NCKAP1L: variants seen among roughly 807,000 people sequenced by gnomAD.
NCKAP1L encodes nck-associated protein 1-like.
In NCKAP1L, 53 loss-of-function variants were observed where a neutral mutation model predicts 139.2. The ratio of observed to expected loss-of-function variants is 0.38; its 90% CI spans 0.31 to 0.48. NCKAP1L has a LOEUF of 0.48. NCKAP1L is among the 20% of genes least tolerant of loss of function. The pLI is 0.98. For synonymous variants in NCKAP1L, 468 were observed against 499.7 expected (o/e 0.94, Z 0.85); for missense variants, 1,151 against 1,381.9 (o/e 0.83, Z 2.65).
chr12:54,524,042 G>T, intron 20 of NCKAP1L, 86 bp downstream of exon 20: 10 of 1,429,646 alleles, frequency 7.0e-6, no homozygotes, highest in Non-Finnish European at 7.6e-6. Flanking sequence ...GGTCCTCAAA[G>T]TTGGGTCCCA....
intron 7 of NCKAP1L, 67 bp downstream of exon 7, chr12:54,510,052 G>A: frequency 6.3e-7 from 1 of 1,577,916 alleles, no homozygotes; most frequent in Non-Finnish European, 8.6e-7. Flanking sequence ...TCTGTAGAGG[G>A]TGCTTCTTTC....
At position 54,532,211 on chromosome 12, in the gene NCKAP1L, G is replaced by A. The variant is rs1359192953; in HGVS notation, c.2823G>A (p.Glu941=). ...GCCCATTTCTTATGGGTCCCATTGA[G>A]TGCTTGAAGGAGTTTGTCACTCCAG... is the stretch of plus-strand genomic sequence containing the variant. ...SHCPFLMGPI[E]CLKEFVTPDT... Residue 941 remains glutamate (E), a synonymous_variant, in exon 26 of 31, where the codon GAG becomes GAA. Transcript: ENST00000293373. The A allele has an allele frequency of 3.1e-6, 5 of 1,613,112 alleles. No individual in the cohort carries two copies. The highest frequency in any genetic ancestry group is 4.2e-6 in the Non-Finnish European group (5 of 1,179,662).
chr12:54,529,962 C>A (rs1957054780), intron 22 of NCKAP1L, among the ~76,000 whole-genome samples: 1 of 152,230 alleles, frequency 6.6e-6, no homozygotes, highest in Non-Finnish European at 1.5e-5. Flanking sequence ...CTCTGTCAGC[C>A]ATTGCGGCAT....
intron 9 of NCKAP1L, among the ~76,000 whole-genome samples, chr12:54,514,385 C>A (rs1956913979): frequency 6.6e-6 from 1 of 151,568 alleles, no homozygotes; most frequent in Non-Finnish European, 1.5e-5. Flanking sequence ...GCAATGGTGC[C>A]ATCTTGGTTC....
Position 54,546,522 on chromosome 12 carries a change from TC to T in NCKAP1L, c.*3839del, listed in dbSNP as rs1957199161. On this transcript the variant is annotated 3_prime_UTR_variant, in exon 31 of 31. Coordinates refer to ENST00000293373, the MANE Select transcript of NCKAP1L (RefSeq NM_005337.5). Reference sequence around the variant, plus strand: ...GTGTCCCCCAGCTAGGGACAAGGCTTCCTTAACCTTAGGTCCTCATGCTTAT... The same window carrying T: ...GTGTCCCCCAGCTAGGGACAAGGCTTCTTAACCTTAGGTCCTCATGCTTAT... The T allele has an allele frequency of 6.6e-6, 1 of 152,170 alleles. No homozygotes were observed. The highest frequency in any genetic ancestry group is 2.4e-5 in the African/African-American group (1 of 41,430). 9.4% of individuals were successfully genotyped at this position (152,170 alleles called of 1,614,324 possible).
intron 22 of NCKAP1L, among the ~76,000 whole-genome samples, chr12:54,529,521 T>C (rs1266904640): frequency 6.6e-6 from 1 of 152,160 alleles, no homozygotes; most frequent in Admixed American, 6.5e-5. Flanking sequence ...GTCTTCTTCT[T>C]TGGGGGGTGC....
At chr12:54,524,004 T>C in intron 20 of NCKAP1L, 48 bp downstream of exon 20, 1 of 1,578,748 alleles carries the variant, frequency 6.3e-7, no homozygotes, top group Non-Finnish European at 8.6e-7. Context: ...CTTCATACCC[T>C]ACCATATACC....
intron 3 of NCKAP1L, among the ~76,000 whole-genome samples, chr12:54,505,672 T>TA (rs1379233999): frequency 6.6e-6 from 1 of 151,526 alleles, no homozygotes. Flanking sequence ...CCTCCCTTTT[T>TA]TTTTTTTGAG....
At position 54,523,932 on chromosome 12, in the gene NCKAP1L, G is replaced by A; in HGVS notation, c.2132G>A (p.Ser711Asn). The A allele has an allele frequency of 6.2e-7, 1 of 1,614,044 alleles. No individual in the cohort carries two copies. Among genetic ancestry groups the A allele is most frequent in the East Asian group, 2.2e-5 (1 of 44,886 alleles). The change falls in exon 20 of 31, where the codon AGC (serine) becomes AAC (asparagine). Residue 711 changes from serine (S) to asparagine (N), a missense_variant. Physicochemically the swap from Ser to Asn is conservative, Grantham distance 46. Transcript: ENST00000293373. The stretch of plus-strand genomic sequence containing the variant: ...ATCTTCCCTTCTGAGTACCTCAGCA[G>A]CCACCTGGAGGCCAGACTCAACAGG... The part of the protein sequence containing the change: ...HTIFPSEYLS[S>N]HLEARLNRAI...
intron 11 of NCKAP1L, 147 bp from the exon 12 acceptor site, chr12:54,517,386 G>T: frequency 1.6e-6 from 1 of 635,586 alleles, no homozygotes; most frequent in Non-Finnish European, 2.8e-6. Flanking sequence ...CTGTAGTTGA[G>T]GTTTTTTGGT....
chr12:54,527,245 A>G (rs1002477101), intron 21 of NCKAP1L, among the ~76,000 whole-genome samples: 2 of 152,164 alleles, frequency 1.3e-5, no homozygotes, highest in African/African-American at 4.8e-5. Flanking sequence ...TTCCTTTGAC[A>G]TGTTAAGGAA....
intron 18 of NCKAP1L, 134 bp from the exon 19 acceptor site, chr12:54,523,260 G>A (rs995622228): frequency 3.0e-6 from 3 of 998,018 alleles, no homozygotes; most frequent in Non-Finnish European, 1.5e-6. Flanking sequence ...AGAAAGAGGT[G>A]TGTGGAAGGA....
At chr12:54,522,652 G>C (rs866231377) in intron 18 of NCKAP1L, among the ~76,000 whole-genome samples, 1 of 152,188 alleles carries the variant, frequency 6.6e-6, no homozygotes, top group Non-Finnish European at 1.5e-5. Flanking sequence ...AAAAAAGAAG[G>C]CACGACTAAA....
rs1956943515 is a variant in NCKAP1L at position 54,517,553 on chromosome 12, C to T, written c.1116C>T (p.Ala372=). ...LGPKALFAFM[A]LSFIRDEVTW... is the part of the protein sequence containing the mutation. ...CATAGGCTCTTTTTGCTTTCATGGCCCTGTCCTTCATTCGTGATGAGGTCA... is the reference window on the plus strand; with the variant it reads ...CATAGGCTCTTTTTGCTTTCATGGCTCTGTCCTTCATTCGTGATGAGGTCA... Residue 372 remains alanine, a synonymous_variant, in exon 12 of 31, where the codon GCC becomes GCT. Coordinates refer to ENST00000293373, the MANE Select transcript of NCKAP1L (RefSeq NM_005337.5). 1.9e-6 allele frequency: 3 copies of T among 1,613,830 alleles called. No homozygotes were observed. Among genetic ancestry groups the T allele is most frequent in the Non-Finnish European group, 2.5e-6 (3 of 1,179,908 alleles).
At chr12:54,529,583 C>T (rs1277645923) in intron 22 of NCKAP1L, among the ~76,000 whole-genome samples, 1 of 152,206 alleles carries the variant, frequency 6.6e-6, no homozygotes, top group Admixed American at 6.5e-5. Flanking sequence ...TCCTTCCCAT[C>T]ATCCCGCCTC....
chr12:54,531,921 T>C (rs1484723941), intron 25 of NCKAP1L, 96 bp downstream of exon 25: 2 of 1,078,772 alleles, frequency 1.9e-6, no homozygotes, highest in South Asian at 1.4e-5. Context: ...GAATCAGTTT[T>C]AACTTCTGCT....
chr12:54,507,937 C>G (rs779656639), intron 4 of NCKAP1L, 28 bp downstream of exon 4: 11 of 1,607,686 alleles, frequency 6.8e-6, no homozygotes, highest in African/African-American at 1.3e-5. Flanking sequence ...TCTCTTCTAT[C>G]GTAGAGTCAA....
rs752987913 is a variant in NCKAP1L, at chr12:54,532,254, T to A, written c.2862+4T>A. ...CACTCCAGACACAGACATCAAGGTA[T>A]GGAGGAGTGCAAAGTAGAATCTAAT... On this transcript the variant is annotated splice_donor_region_variant and intron_variant, in intron 26 of 30. Coordinates refer to ENST00000293373, the MANE Select transcript of NCKAP1L (RefSeq NM_005337.5). The A allele has an allele frequency of 1.2e-6, 2 of 1,609,692 alleles. No homozygotes were observed. The highest frequency in any genetic ancestry group is 4.5e-5 in the East Asian group (2 of 44,800).
At position 54,519,166 on chromosome 12, in the gene NCKAP1L, CT is replaced by C; in HGVS notation, c.1480-18del. 1.9e-6 allele frequency: 3 copies of C among 1,553,756 alleles called. No individual in the cohort carries two copies. Among genetic ancestry groups the C allele is most frequent in the Non-Finnish European group, 2.6e-6 (3 of 1,155,992 alleles). On this transcript the variant is annotated intron_variant, in intron 15 of 30. Transcript: ENST00000293373. Reference sequence around the variant, plus strand: ...TTCATTCATCTTATTTTTCTCCACACTTTCCCAACTCCAACCGCAGGCATAC... The same window carrying C: ...TTCATTCATCTTATTTTTCTCCACACTTCCCAACTCCAACCGCAGGCATAC...
Sources: gnomAD v4.1 joint callset for allele counts (sites outside exome capture counted in the v4.1 genomes callset) on GRCh38, gnomAD v4.1.1 for gene constraint, MANE v1.5 for transcripts, NCBI Gene and HGNC (gene_info 2026-07-23, HGNC 2026-07-21) for gene names.